The following MICAL3 variants were observed in gnomAD, a reference collection of about 807,000 sequenced individuals.
MICAL3 encodes the protein microtubule associated monooxygenase, calponin and LIM domain containing 3.
In MICAL3, 62 loss-of-function variants were observed where a neutral mutation model predicts 207.4. The observed-to-expected ratio is 0.30, with a 90% CI of 0.24 to 0.37. MICAL3 has a LOEUF of 0.37. Among genes scored for constraint, MICAL3 ranks in the 10% least tolerant of loss-of-function variants. MICAL3 has a pLI of 1.00. For missense variants in MICAL3, 2,368 were observed against 2,635.6 expected, an observed-to-expected ratio of 0.90 and a Z score of 2.22; for synonymous variants, 1,077 against 1,069.3, an observed-to-expected ratio of 1.01 and a Z score of -0.14.
At chr22:17,965,352 C>T (rs554994339) in intron 1 of MICAL3, among the ~76,000 whole-genome samples, 2 of 152,248 alleles carry the variant, frequency 1.3e-5, no homozygotes, top group East Asian at 1.9e-4. Flanking sequence ...AATTTCAATG[C>T]TTAAGAGAGG....
At chr22:17,821,817 T>C (rs5992111) in intron 24 of MICAL3, among the ~76,000 whole-genome samples, 18,815 of 152,174 alleles carry the variant, frequency 0.12, 1,794 homozygotes, top group African/African-American at 0.28. Context: ...ACCCAAACTA[T>C]GCAAGGAAAG....
intron 22 of MICAL3, among the ~76,000 whole-genome samples, chr22:17,827,132 C>T (rs923452557): frequency 7.2e-5 from 11 of 152,180 alleles, no homozygotes; most frequent in African/African-American, 2.7e-4. Context: ...TAAGGTTCAT[C>T]TTCATCCTAC....
At chr22:17,856,591 C>G (rs57600846) in intron 19 of MICAL3, among the ~76,000 whole-genome samples, 7,968 of 147,642 alleles carry the variant, frequency 0.054, 671 homozygotes, top group African/African-American at 0.18. Context: ...AGATGAAACT[C>G]TAGAAGAAAA....
At chr22:17,976,186 G>A (rs796827194) in intron 1 of MICAL3, among the ~76,000 whole-genome samples, 5 of 152,320 alleles carry the variant, frequency 3.3e-5, no homozygotes, top group African/African-American at 1.2e-4. Context: ...GCCAAAATAT[G>A]TTGTGGGGAT....
rs187074869 is a variant in MICAL3, at chr22:17,860,589, C to A, written c.2605+4310G>T. The A allele has an allele frequency of 1.8e-5, 18 of 985,522 alleles. No individual in the cohort carries two copies. The African/African-American group carries it at 3.0e-4, about 16-fold the overall frequency. 61.0% of individuals were successfully genotyped at this position (985,522 alleles called of 1,614,324 possible). On this transcript the variant is annotated intron_variant, in intron 19 of 31. Coordinates refer to ENST00000441493, the MANE Select transcript of MICAL3 (RefSeq NM_015241.3). The stretch of plus-strand genomic sequence containing the variant: ...TGTTCCAGTGTCTTGCAGAAAAGAG[C>A]TGAAGATGCACTAACCACCAAAAGA...
intron 1 of MICAL3, among the ~76,000 whole-genome samples, chr22:17,918,552 C>A (rs1199676638): frequency 6.6e-6 from 1 of 152,146 alleles, no homozygotes; most frequent in Non-Finnish European, 1.5e-5. Flanking sequence ...GGCCACTGTA[C>A]ACACCTGGGC....
At position 17,960,308 on chromosome 22, in the gene MICAL3, C is replaced by G. The variant is rs79596359; in HGVS notation, c.-74-53422G>C. Among the ~76,000 whole-genome samples, 303 of 152,326 alleles carry G rather than the reference C, an allele frequency of 2.0e-3. 2 individuals carry two copies. Among genetic ancestry groups the G allele is most frequent in the Middle Eastern group, 3.4e-3 (1 of 292 alleles). ...TCTTCCCCTGTGTGTATGTAGGCCT[C>G]TGTGTACATGCGTGTGCATGTGTCC... On this transcript the variant is annotated intron_variant, in intron 1 of 31. Transcript: ENST00000441493.
chr22:17,810,157 G>A (rs1371815986), intron 28 of MICAL3, among the ~76,000 whole-genome samples: 2 of 151,194 alleles, frequency 1.3e-5, no homozygotes, highest in Non-Finnish European at 2.9e-5. Flanking sequence ...CCACTTGCTG[G>A]GTTCATGCCA....
At chr22:18,000,152 G>T (rs1306948185) in intron 1 of MICAL3, among the ~76,000 whole-genome samples, 1 of 151,864 alleles carries the variant, frequency 6.6e-6, no homozygotes, top group South Asian at 2.1e-4. Flanking sequence ...ACTGTCTATG[G>T]AGCAAAGTGT....
intron 16 of MICAL3, chr22:17,884,347 C>G: frequency 1.3e-6 from 2 of 1,591,538 alleles, no homozygotes; most frequent in Non-Finnish European, 1.7e-6. Flanking sequence ...TGGCCCCACG[C>G]TCTTGTGTCA....
intron 20 of MICAL3, among the ~76,000 whole-genome samples, chr22:17,836,738 A>G (rs528206637): frequency 1.4e-3 from 215 of 148,614 alleles, no homozygotes; most frequent in African/African-American, 4.3e-3. Flanking sequence ...TCCGCCTCCC[A>G]GGTTCACGCC....
intron 1 of MICAL3, among the ~76,000 whole-genome samples, chr22:18,022,007 A>G (rs932189624): frequency 6.6e-6 from 1 of 152,186 alleles, no homozygotes; most frequent in Non-Finnish European, 1.5e-5. Context: ...AAGTTCTGGC[A>G]CCAGGTGGGT....
At chr22:17,925,458 A>C (rs1391916753) in intron 1 of MICAL3, among the ~76,000 whole-genome samples, 1 of 152,196 alleles carries the variant, frequency 6.6e-6, no homozygotes, top group Non-Finnish European at 1.5e-5. Context: ...GGGATATTTA[A>C]TATCTCCCAA....
At chr22:17,840,472 A>G (rs2146070548) in intron 20 of MICAL3, 1 of 152,202 alleles carries the variant, frequency 6.6e-6, no homozygotes, top group African/African-American at 2.4e-5. Flanking sequence ...ATGCTGACTG[A>G]TTTCATGTTT....
intron 13 of MICAL3, 75 bp from the exon 14 acceptor site, chr22:17,887,510 C>A: frequency 1.1e-6 from 1 of 919,664 alleles, no homozygotes; most frequent in Non-Finnish European, 1.7e-6. Flanking sequence ...ACTACTCTCC[C>A]TCGTGGATGG....
At chr22:17,934,332 C>T (rs1424748398) in intron 1 of MICAL3, among the ~76,000 whole-genome samples, 1 of 151,918 alleles carries the variant, frequency 6.6e-6, no homozygotes, top group Non-Finnish European at 1.5e-5. Context: ...TAATCCATCA[C>T]ATAAACAGAA....
At chr22:17,910,428 C>T (rs563407944) in intron 1 of MICAL3, among the ~76,000 whole-genome samples, 1 of 152,332 alleles carries the variant, frequency 6.6e-6, no homozygotes, top group Admixed American at 6.5e-5. Context: ...AATCCTTCTG[C>T]TAGTGAAAAC....
chr22:17,987,623 G>A (rs142907611), intron 1 of MICAL3, among the ~76,000 whole-genome samples: 1 of 152,340 alleles, frequency 6.6e-6, no homozygotes, highest in African/African-American at 2.4e-5. Context: ...ACCTATGGCA[G>A]GTACTCCGAG....
intron 19 of MICAL3, chr22:17,860,902 A>T (rs1926450778): frequency 1.0e-6 from 1 of 985,306 alleles, no homozygotes; most frequent in Admixed American, 6.1e-5. Context: ...GCAGCTTTAG[A>T]AACAGCTTCA....
Sources: gnomAD v4.1 joint callset for allele counts (sites outside exome capture counted in the v4.1 genomes callset) on GRCh38, gnomAD v4.1.1 for gene constraint, MANE v1.5 for transcripts, NCBI Gene and HGNC (gene_info 2026-07-23, HGNC 2026-07-21) for gene names.